The following TWF1 variants were observed in gnomAD, a reference collection of about 807,000 sequenced individuals.
The protein encoded by TWF1 is twinfilin actin binding protein 1.
TWF1 carries 14 observed loss-of-function variants against 47.9 expected under a neutral mutation model. That is an observed-to-expected ratio of 0.29 (90% confidence interval 0.19 to 0.46). TWF1 has a LOEUF of 0.46. TWF1 is among the 20% of genes least tolerant of loss of function. TWF1 has a pLI of 1.00. For missense variants in TWF1, 281 were observed against 409.3 expected, an observed-to-expected ratio of 0.69 and a Z score of 2.70; for synonymous variants, 96 against 139.2, an observed-to-expected ratio of 0.69 and a Z score of 2.18.
intron 5 of TWF1, chr12:43,798,634 AAAT>A: frequency 1.3e-6 from 2 of 1,496,418 alleles, no homozygotes; most frequent in East Asian, 4.9e-5. Context: ...AAAAAAAAAA[AAAT>A]CACATAAAAA....
At chr12:43,800,931 T>C (rs918028846) in intron 3 of TWF1, among the ~76,000 whole-genome samples, 13 of 152,162 alleles carry the variant, frequency 8.5e-5, no homozygotes, top group African/African-American at 2.9e-4. Context: ...TTTCTATTTT[T>C]AGTACAGACG....
intron 1 of TWF1, chr12:43,805,909 T>C (rs754209167): frequency 9.4e-6 from 14 of 1,489,964 alleles, no homozygotes; most frequent in South Asian, 6.7e-5. Flanking sequence ...AGGGGGAAAG[T>C]TGGGCGACTG....
intron 2 of TWF1, among the ~76,000 whole-genome samples, chr12:43,803,170 T>C (rs896338345): frequency 6.6e-6 from 1 of 152,174 alleles, no homozygotes; most frequent in Non-Finnish European, 1.5e-5. Context: ...AAATGAATTA[T>C]TGAGCTATCA....
rs370535868 is a variant in TWF1, at chr12:43,799,417, C to T, written c.464G>A (p.Arg155Gln). Residue 155 changes from arginine (R) to glutamine (Q), a missense_variant, in exon 5 of 9, where the codon CGA (arginine) becomes CAA (glutamine). By Grantham distance (43) the Arg-to-Gln change is conservative. Coordinates refer to ENST00000395510, the MANE Select transcript of TWF1 (RefSeq NM_002822.5). Reference protein sequence around the residue: ...APLTAAEEELRQIKINEVQTD... With the variant: ...APLTAAEEELQQIKINEVQTD... ...ACTTACCTCATTGATTTTAATCTGT[C>T]GTAGTTCTTCCTCAGCTGCAGTCAG... The T allele has an allele frequency of 2.4e-5, 38 of 1,607,746 alleles. No individual in the cohort carries two copies. Among genetic ancestry groups the T allele is most frequent in the African/African-American group, 4.0e-5 (3 of 74,676 alleles).
chr12:43,800,052 T>C (rs1207474988), intron 4 of TWF1, among the ~76,000 whole-genome samples: 2 of 152,132 alleles, frequency 1.3e-5, no homozygotes, highest in Admixed American at 1.3e-4. Flanking sequence ...GAAGAAGCAA[T>C]ATATTCCCAT....
At chr12:43,796,932 G>C (rs2138129085) in intron 8 of TWF1, 44 bp downstream of exon 8, 3 of 1,586,056 alleles carry the variant, frequency 1.9e-6, no homozygotes, top group East Asian at 4.5e-5. Flanking sequence ...GAAATGAAAA[G>C]AAAAATTTAG....
chr12:43,805,561 G>C (rs946100361), intron 1 of TWF1: 6 of 459,826 alleles, frequency 1.3e-5, no homozygotes, highest in African/African-American at 1.0e-4. Context: ...AAATAATGGA[G>C]GTCAGATATA....
intron 3 of TWF1, among the ~76,000 whole-genome samples, chr12:43,800,940 C>A (rs1051548824): frequency 3.3e-5 from 5 of 152,028 alleles, no homozygotes; most frequent in African/African-American, 9.7e-5. Context: ...TTAGTACAGA[C>A]GGGCTTTCAC....
At position 43,799,386 on chromosome 12, in the gene TWF1, G is replaced by C; in HGVS notation, c.483+12C>G. On this transcript the variant is annotated intron_variant, in intron 5 of 8. Transcript: ENST00000395510. ...CTTAAAATCTTGCAAAGACTTTGTAGTTGTAACTTACCTCATTGATTTTAA... is the reference window on the plus strand; with the variant it reads ...CTTAAAATCTTGCAAAGACTTTGTACTTGTAACTTACCTCATTGATTTTAA... The C allele has an allele frequency of 6.4e-7, 1 of 1,562,200 alleles. No individual in the cohort carries two copies. The highest frequency in any genetic ancestry group is 1.7e-5 in the Admixed American group (1 of 58,568).
chr12:43,795,814 T>G, intron 8 of TWF1, 59 bp from the exon 9 acceptor site: 2 of 1,564,338 alleles, frequency 1.3e-6, no homozygotes, highest in Non-Finnish European at 1.7e-6. Context: ...AACAAGCTGG[T>G]TTTCAGGTAT....
In TWF1 at chr12:43,797,459, A is replaced by G. The variant is rs1455561025; in HGVS notation, c.610-7T>C. Reference sequence around the variant, plus strand: ...CATTTTTTATATCTATTTCCTGCCAATAAGAAACAAAATATGTTCATTAAA... The same window carrying G: ...CATTTTTTATATCTATTTCCTGCCAGTAAGAAACAAAATATGTTCATTAAA... On this transcript the variant is annotated splice_polypyrimidine_tract_variant and splice_region_variant and intron_variant, in intron 6 of 8. Transcript: ENST00000395510. 13 of 1,568,246 alleles carry G rather than the reference A, an allele frequency of 8.3e-6. No individual in the cohort carries two copies. The East Asian group carries it at 2.7e-4, about 33-fold the overall frequency.
intron 2 of TWF1, among the ~76,000 whole-genome samples, chr12:43,803,788 AG>A (rs768745027): frequency 2.0e-5 from 3 of 152,148 alleles, no homozygotes; most frequent in Admixed American, 6.5e-5. Context: ...AAAACAAATT[AG>A]ATTTACTTCC....
Position 43,806,290 on chromosome 12 carries a change from C to T in TWF1, c.-45G>A. On this transcript the variant is annotated 5_prime_UTR_variant, in exon 1 of 9. Coordinates refer to ENST00000395510, the MANE Select transcript of TWF1 (RefSeq NM_002822.5). ...CGGCTCCGGCGCTGAGTGCAGCCAG[C>T]GGCCCCGGCCGGCGGCCCCAGGAAG... The T allele has an allele frequency of 5.6e-6, 8 of 1,441,400 alleles. No individual in the cohort carries two copies. Among genetic ancestry groups the T allele is most frequent in the Non-Finnish European group, 6.4e-6 (7 of 1,091,282 alleles). 89.3% of individuals were successfully genotyped at this position (1,441,400 alleles called of 1,614,324 possible).
intron 2 of TWF1, 85 bp from the exon 3 acceptor site, chr12:43,802,549 T>C (rs1048856085): frequency 3.1e-6 from 3 of 975,770 alleles, no homozygotes; most frequent in Admixed American, 2.6e-5. Flanking sequence ...AATAAATATA[T>C]AGTCATTTCC....
intron 2 of TWF1, among the ~76,000 whole-genome samples, chr12:43,803,560 G>A (rs1942701575): frequency 6.6e-6 from 1 of 152,118 alleles, no homozygotes; most frequent in Non-Finnish European, 1.5e-5. Flanking sequence ...AACTTAGGAA[G>A]TAGTGCCATT....
rs1167953251 is a variant in TWF1, at chr12:43,794,789, T to C, written c.*796A>G. Reference sequence around the variant, plus strand: ...AGAACACAATTTGCCCATAAATGTATGGTTTTGGAGAAAAAAGTCAATCCT... The same window carrying C: ...AGAACACAATTTGCCCATAAATGTACGGTTTTGGAGAAAAAAGTCAATCCT... On this transcript the variant is annotated 3_prime_UTR_variant, in exon 9 of 9. Transcript: ENST00000395510. 3 of 152,278 alleles carry C rather than the reference T, an allele frequency of 2.0e-5. No individual in the cohort carries two copies. Among genetic ancestry groups the C allele is most frequent in the Admixed American group, 6.5e-5 (1 of 15,278 alleles). The allele number at this position is 152,278 out of a possible 1,614,324, so 9.4% of individuals were successfully genotyped here. A position where few individuals can be genotyped will look rare whatever the true frequency, so the allele number is the denominator to read the frequency against.
At chr12:43,804,906 A>C in intron 1 of TWF1, among the ~76,000 whole-genome samples, 1 of 152,238 alleles carries the variant, frequency 6.6e-6, no homozygotes. Flanking sequence ...TCTTTTGAAA[A>C]ATATTGAAAA....
intron 8 of TWF1, among the ~76,000 whole-genome samples, chr12:43,796,726 A>T (rs1942557243): frequency 6.6e-6 from 1 of 152,090 alleles, no homozygotes; most frequent in Admixed American, 6.6e-5. Context: ...GGCTAGTGGA[A>T]TTAAGAAACA....
intron 7 of TWF1, 89 bp downstream of exon 7, chr12:43,797,213 C>A: frequency 6.8e-7 from 1 of 1,480,352 alleles, no homozygotes; most frequent in Non-Finnish European, 9.1e-7. Flanking sequence ...TACAGCTAAG[C>A]CCTCTGGGCA....
Sources: allele counts gnomAD v4.1 joint callset (sites outside exome capture counted in the v4.1 genomes callset), GRCh38; gene constraint gnomAD v4.1.1; transcripts MANE v1.5; gene names NCBI Gene and HGNC (gene_info 2026-07-23, HGNC 2026-07-21).